The following DOCK11 variants were observed in gnomAD, a reference collection of about 807,000 sequenced individuals.
DOCK11 encodes the protein dedicator of cytokinesis protein 11.
Under a neutral mutation model 169.1 loss-of-function variants are expected in DOCK11, and 70 were observed. That is an observed-to-expected ratio of 0.41 (90% CI 0.34 to 0.51). The LOEUF (loss-of-function observed/expected upper bound fraction) is 0.51, where lower values mean the gene tolerates loss of function less well. Among genes scored for constraint, DOCK11 ranks in the 20% least tolerant of loss-of-function variants. The probability of loss-of-function intolerance (pLI) is 0.10; values close to 1 mark genes in which losing one functional copy is unlikely to be tolerated. For missense variants in DOCK11, 1,166 were observed against 1,538.8 expected (o/e 0.76, Z 4.05); for synonymous variants, 529 against 541.3 (o/e 0.98, Z 0.32).
intron 28 of DOCK11, 86 bp downstream of exon 28, chrX:118,610,504 C>T (rs2014656625): frequency 9.6e-7 from 1 of 1,037,844 alleles, no homozygotes; most frequent in African/African-American, 1.9e-5. Context: ...TTTCTAGAGG[C>T]TCAGCTAGGT....
intron 46 of DOCK11, among the ~76,000 whole-genome samples, chrX:118,675,577 TGGGGTGG>T (rs1457618554): frequency 1.1e-5 from 1 of 95,105 alleles, no homozygotes; most frequent in Non-Finnish European, 2.1e-5. Context: ...GGGCTTGTTG[TGGGGTGG>T]GGGGTGAGGG....
At chrX:118,539,625 G>T (rs1488960181) in intron 1 of DOCK11, among the ~76,000 whole-genome samples, 1 of 111,637 alleles carries the variant, frequency 9.0e-6, no homozygotes, top group Non-Finnish European at 1.9e-5. Flanking sequence ...TGAGGTGATA[G>T]ATATAACTAG....
chrX:118,673,533 G>C (rs917197060), intron 46 of DOCK11, among the ~76,000 whole-genome samples: 1 of 111,782 alleles, frequency 8.9e-6, no homozygotes, highest in Non-Finnish European at 1.9e-5. Flanking sequence ...TATGGAACGG[G>C]CTGAAAACTA....
chrX:118,665,232 G>C (rs1029766325), intron 45 of DOCK11, among the ~76,000 whole-genome samples: 5 of 112,420 alleles, frequency 4.4e-5, no homozygotes, highest in African/African-American at 1.3e-4. Flanking sequence ...AACCTACAAG[G>C]ATAGATACTT....
rs145683125 is a variant in DOCK11 at position 118,543,541 on chromosome X, G to T, written c.340G>T (p.Val114Leu). 3 of 1,207,572 alleles carry T rather than the reference G, an allele frequency of 2.5e-6. No homozygotes were observed. The highest frequency in any genetic ancestry group is 3.4e-6 in the Non-Finnish European group (3 of 892,682). Residue 114 changes from valine (V) to leucine (L), a missense_variant, in exon 4 of 53, where the codon GTG becomes TTG. Physicochemically the swap from Val to Leu is conservative, Grantham distance 32 (BLOSUM62 1). Coordinates refer to ENST00000276202, the MANE Select transcript of DOCK11 (RefSeq NM_144658.4). The part of the protein sequence containing the change: ...CIKTYSTDWH[V>L]VNYKYEDFSG... Reference sequence around the variant, plus strand: ...TAAAACCTATAGCACAGATTGGCACGTGGTAAACTACAAGTATGAGGACTT... The same window carrying T: ...TAAAACCTATAGCACAGATTGGCACTTGGTAAACTACAAGTATGAGGACTT...
chrX:118,533,875 C>T (rs926312318), intron 1 of DOCK11, among the ~76,000 whole-genome samples: 1 of 112,172 alleles, frequency 8.9e-6, no homozygotes, highest in Non-Finnish European at 1.9e-5. Context: ...ATAGAATGAG[C>T]ACAGTCTAAT....
At chrX:118,638,986 T>C (rs2015458858) in intron 37 of DOCK11, among the ~76,000 whole-genome samples, 1 of 112,802 alleles carries the variant, frequency 8.9e-6, no homozygotes, top group African/African-American at 3.2e-5. Context: ...ATCTTAGCAA[T>C]GGACATGCTT....
chrX:118,527,080 A>G (rs1433921615), intron 1 of DOCK11, among the ~76,000 whole-genome samples: 2 of 112,252 alleles, frequency 1.8e-5, no homozygotes, highest in Non-Finnish European at 3.8e-5. Context: ...CTGTAAGTTT[A>G]TGATTCGTGT....
intron 37 of DOCK11, 55 bp downstream of exon 37, chrX:118,638,182 A>G: frequency 9.1e-7 from 1 of 1,094,910 alleles, no homozygotes; most frequent in East Asian, 3.0e-5. Flanking sequence ...AACAGAGGGC[A>G]ATCTTAGTCA....
chrX:118,665,774 A>G (rs1020416479), intron 45 of DOCK11, among the ~76,000 whole-genome samples: 1 of 112,332 alleles, frequency 8.9e-6, no homozygotes, highest in African/African-American at 3.2e-5. Context: ...CATTGAAATG[A>G]AAAATACAAA....
At chrX:118,588,594 G>C in intron 18 of DOCK11, 116 bp downstream of exon 18, 2 of 533,862 alleles carry the variant, frequency 3.7e-6, no homozygotes, top group Non-Finnish European at 2.9e-6. Context: ...ATGTTCTAAA[G>C]TGACAAATGT....
intron 52 of DOCK11, chrX:118,685,470 G>T: frequency 3.0e-6 from 1 of 334,529 alleles, no homozygotes. Flanking sequence ...TTTTCTTAAT[G>T]AGTAACTAGA....
intron 18 of DOCK11, 77 bp downstream of exon 18, chrX:118,588,555 G>T (rs1205671396): frequency 2.5e-6 from 2 of 785,486 alleles, no homozygotes; most frequent in Non-Finnish European, 3.6e-6. Flanking sequence ...TATGCTCTAG[G>T]TTTAATTTGT....
chrX:118,643,720 G>C lies in DOCK11; in HGVS notation c.4398+126G>C, dbSNP rs937562450. On this transcript the variant is annotated intron_variant, in intron 40 of 52. Transcript: ENST00000276202. ...CATGAAGCCATTAAGTACTGCCTTTGTAAATAGAAATACAGAACAACAAAG... is the reference window on the plus strand; with the variant it reads ...CATGAAGCCATTAAGTACTGCCTTTCTAAATAGAAATACAGAACAACAAAG... 3 of 761,303 alleles carry C rather than the reference G, an allele frequency of 3.9e-6. No homozygotes were observed. The African/African-American group carries it at 6.5e-5, about 16-fold the overall frequency. The allele number at this position is 761,303 out of a possible 1,213,427, so 62.7% of individuals were successfully genotyped here. A position where few individuals can be genotyped will look rare whatever the true frequency, so the allele number is the denominator to read the frequency against.
intron 6 of DOCK11, among the ~76,000 whole-genome samples, chrX:118,547,135 C>T (rs1317186633): frequency 4.5e-5 from 5 of 111,403 alleles, no homozygotes; most frequent in East Asian, 2.8e-4. Flanking sequence ...CATGAGGATT[C>T]TGAGCAGAAA....
At chrX:118,612,810 G>A (rs1383207226) in intron 28 of DOCK11, among the ~76,000 whole-genome samples, 2 of 111,993 alleles carry the variant, frequency 1.8e-5, no homozygotes, top group Non-Finnish European at 3.8e-5. Flanking sequence ...AGGATGTATG[G>A]AGAAAGAGCT....
intron 26 of DOCK11, among the ~76,000 whole-genome samples, chrX:118,608,881 C>T (rs904148478): frequency 9.0e-6 from 1 of 111,374 alleles, no homozygotes; most frequent in African/African-American, 3.3e-5. Context: ...TTAGGCTGCA[C>T]GAATGTCACA....
intron 41 of DOCK11, among the ~76,000 whole-genome samples, chrX:118,650,284 A>G (rs183138003): frequency 1.3e-4 from 15 of 112,293 alleles, no homozygotes; most frequent in Admixed American, 9.5e-4. Flanking sequence ...GTAGCACAAG[A>G]TAGATACTTC....
At chrX:118,507,134 G>A (rs6655478) in intron 1 of DOCK11, among the ~76,000 whole-genome samples, 3 of 110,674 alleles carry the variant, frequency 2.7e-5, no homozygotes, top group African/African-American at 6.6e-5. Context: ...TGCTTTTGCC[G>A]TTTTTGACTT....
Sources: allele counts gnomAD v4.1 joint callset (sites outside exome capture counted in the v4.1 genomes callset), GRCh38; gene constraint gnomAD v4.1.1; transcripts MANE v1.5; gene names NCBI Gene and HGNC (gene_info 2026-07-23, HGNC 2026-07-21).